The following CSMD1 variants were observed in gnomAD, a reference collection of about 807,000 sequenced individuals.
CSMD1 encodes the protein CUB and sushi domain-containing protein 1.
Under a neutral mutation model 417.5 loss-of-function variants are expected in CSMD1, and 213 were observed. The observed-to-expected ratio is 0.51, with a 90% CI of 0.46 to 0.57. The LOEUF (loss-of-function observed/expected upper bound fraction) is 0.57, where lower values mean the gene tolerates loss of function less well. CSMD1 is among the 20% of genes least tolerant of loss of function. The pLI, the probability that CSMD1 is intolerant of heterozygous loss-of-function variation, is 0.00. For synonymous variants in CSMD1, 2,862 were observed against 1,736.8 expected, an observed-to-expected ratio of 1.65 and a Z score of -16.11; for missense variants, 6,923 against 4,529.7, an observed-to-expected ratio of 1.53 and a Z score of -15.17.
intron 41 of CSMD1, among the ~76,000 whole-genome samples, chr8:3,133,132 G>A (rs922716169): frequency 6.6e-6 from 1 of 152,232 alleles, no homozygotes; most frequent in African/African-American, 2.4e-5. Flanking sequence ...TGCAGCGTGG[G>A]CCGGCACACA....
intron 2 of CSMD1, among the ~76,000 whole-genome samples, chr8:4,442,598 T>C (rs1276064126): frequency 6.6e-6 from 1 of 152,136 alleles, no homozygotes; most frequent in Non-Finnish European, 1.5e-5. Context: ...TTCCCCAAAT[T>C]GGCTAGAAAA....
At chr8:3,495,546 G>C (rs773390407) in intron 10 of CSMD1, among the ~76,000 whole-genome samples, 1 of 152,204 alleles carries the variant, frequency 6.6e-6, no homozygotes. Flanking sequence ...AGGTCCTGTT[G>C]TCAAACACCA....
chr8:3,302,226 C>T (rs1020972417), intron 25 of CSMD1, among the ~76,000 whole-genome samples: 10 of 152,278 alleles, frequency 6.6e-5, no homozygotes, highest in Admixed American at 4.6e-4. Flanking sequence ...AAGTTTGGAT[C>T]AGCTTCCACC....
intron 40 of CSMD1, among the ~76,000 whole-genome samples, chr8:3,148,345 C>T (rs771471039): frequency 2.6e-5 from 4 of 152,060 alleles, no homozygotes; most frequent in South Asian, 2.1e-4. Flanking sequence ...CTTATGATTC[C>T]GGAGATTCTG....
In CSMD1 at chr8:4,129,443, G is replaced by C. The variant is rs1210671706; in HGVS notation, c.416-97344C>G. On this transcript the variant is annotated intron_variant, in intron 3 of 69. Coordinates refer to ENST00000635120, the MANE Select transcript of CSMD1 (RefSeq NM_033225.6). The stretch of plus-strand genomic sequence containing the variant: ...TTCCTCTTTTAGGTAGATGTACTGA[G>C]ACAGGTGCATGGGAGATAAAAATTG... 4.6e-5 allele frequency among the ~76,000 whole-genome samples: 7 copies of C among 152,252 alleles called. No homozygotes were observed. In the East Asian group the frequency reaches 7.7e-4, roughly 17 times the overall value.
At chr8:3,504,717 C>G (rs1325806676) in intron 10 of CSMD1, among the ~76,000 whole-genome samples, 1 of 152,192 alleles carries the variant, frequency 6.6e-6, no homozygotes, top group African/African-American at 2.4e-5. Flanking sequence ...CTGCACCCTT[C>G]CTTCTCTATT....
rs186331648 is a variant in CSMD1, at chr8:4,628,560, T to C, written c.302+8782A>G. 2.2e-4 allele frequency among the ~76,000 whole-genome samples: 33 copies of C among 151,336 alleles called. No homozygotes were observed. The Admixed American group carries it at 2.2e-3, about 10-fold the overall frequency. ...AGGATAAGCATAAACACAGATGTAA[T>C]TCAGTGTAAGAATTTCAAGGACAGA... On this transcript the variant is annotated intron_variant, in intron 2 of 69. Transcript: ENST00000635120.
At chr8:4,657,564 G>T (rs1472319131) in intron 1 of CSMD1, among the ~76,000 whole-genome samples, 1 of 151,980 alleles carries the variant, frequency 6.6e-6, no homozygotes, top group Non-Finnish European at 1.5e-5. Flanking sequence ...GTTTTTAAAA[G>T]TATTTAATTC....
At chr8:3,608,006 C>T (rs1027097880) in intron 8 of CSMD1, among the ~76,000 whole-genome samples, 1 of 152,086 alleles carries the variant, frequency 6.6e-6, no homozygotes, top group Middle Eastern at 3.4e-3. Context: ...CCTGTCTCTA[C>T]TAAAAATACA....
At chr8:4,726,601 G>T (rs577329899) in intron 1 of CSMD1, among the ~76,000 whole-genome samples, 3 of 152,118 alleles carry the variant, frequency 2.0e-5, no homozygotes, top group Admixed American at 1.3e-4. Flanking sequence ...CCTCCCATCA[G>T]CTTCTGCAAA....
At chr8:4,463,538 G>T (rs571386022) in intron 2 of CSMD1, among the ~76,000 whole-genome samples, 1 of 152,080 alleles carries the variant, frequency 6.6e-6, no homozygotes, top group Non-Finnish European at 1.5e-5. Context: ...AAAAAACATG[G>T]TCTATATCCA....
At chr8:3,615,206 G>C (rs572450018) in intron 8 of CSMD1, among the ~76,000 whole-genome samples, 16 of 152,200 alleles carry the variant, frequency 1.1e-4, no homozygotes, top group African/African-American at 3.6e-4. Flanking sequence ...GAACTTCCTT[G>C]AGCCAAAGGA....
intron 5 of CSMD1, among the ~76,000 whole-genome samples, chr8:3,821,404 C>A (rs543195905): frequency 1.3e-5 from 2 of 152,302 alleles, no homozygotes; most frequent in East Asian, 1.9e-4. Context: ...ACCACACACA[C>A]GCGCATGTGG....
intron 42 of CSMD1, among the ~76,000 whole-genome samples, chr8:3,114,613 C>T (rs1350994147): frequency 3.3e-5 from 5 of 152,038 alleles, no homozygotes; most frequent in Non-Finnish European, 7.4e-5. Flanking sequence ...ATCCAGAGCG[C>T]ACTCTGTCTT....
intron 3 of CSMD1, among the ~76,000 whole-genome samples, chr8:4,377,649 G>A (rs1017998156): frequency 2.0e-5 from 3 of 152,066 alleles, no homozygotes; most frequent in Non-Finnish European, 2.9e-5. Flanking sequence ...CATTTATAAG[G>A]TTCTTTTTAG....
chr8:3,288,725 T>C lies in CSMD1; in HGVS notation c.3951-4379A>G, dbSNP rs2117263686. On this transcript the variant is annotated intron_variant, in intron 25 of 69. Transcript: ENST00000635120. ...ATTTTTCTTGATAGCAGTTTATCAATTTTGTTGATCTTTTCAAAAAACCAG... is the reference window on the plus strand; with the variant it reads ...ATTTTTCTTGATAGCAGTTTATCAACTTTGTTGATCTTTTCAAAAAACCAG... 1.4e-5 allele frequency among the ~76,000 whole-genome samples: 2 copies of C among 147,344 alleles called. 1 individual carries two copies. Among genetic ancestry groups the C allele is most frequent in the African/African-American group, 5.4e-5 (2 of 37,200 alleles).
intron 5 of CSMD1, among the ~76,000 whole-genome samples, chr8:3,882,333 T>C (rs1212502837): frequency 1.3e-5 from 2 of 152,166 alleles, no homozygotes; most frequent in Non-Finnish European, 1.5e-5. Context: ...TAAATTCAAA[T>C]AAAATCTCGA....
chr8:3,855,420 T>TA lies in CSMD1; in HGVS notation c.819-101379dup, dbSNP rs1266543951. ...ACAACAAAAATAAAAGCATATTCTA[T>TA]AAAAAACAAAAAAGTTTAAATATCA... On this transcript the variant is annotated intron_variant, in intron 5 of 69. Transcript: ENST00000635120. 1.6e-4 allele frequency among the ~76,000 whole-genome samples: 24 copies of TA among 151,722 alleles called. No homozygotes were observed. The East Asian group carries it at 4.6e-3, about 29-fold the overall frequency.
intron 1 of CSMD1, among the ~76,000 whole-genome samples, chr8:4,802,073 T>G (rs1364018501): frequency 6.6e-6 from 1 of 152,192 alleles, no homozygotes; most frequent in African/African-American, 2.4e-5. Context: ...CTAGTTGAAG[T>G]TGATGACATA....
Sources: allele counts gnomAD v4.1 joint callset (sites outside exome capture counted in the v4.1 genomes callset), GRCh38; gene constraint gnomAD v4.1.1; transcripts MANE v1.5; gene names NCBI Gene and HGNC (gene_info 2026-07-23, HGNC 2026-07-21).